SCFD2: variants seen among roughly 807,000 people sequenced by gnomAD.
SCFD2 encodes sec1 family domain containing 2.
SCFD2 carries 54 observed loss-of-function variants against 58.9 expected under a neutral mutation model. The ratio of observed to expected loss-of-function variants is 0.92; its 90% CI spans 0.74 to 1.15. SCFD2 has a LOEUF of 1.15. Among genes scored for constraint, SCFD2 ranks in the 50% most tolerant of loss-of-function variants. SCFD2 has a pLI of 0.00. For missense variants in SCFD2, 805 were observed against 836.6 expected, an observed-to-expected ratio of 0.96 and a Z score of 0.47; for synonymous variants, 321 against 335.9, an observed-to-expected ratio of 0.96 and a Z score of 0.49.
chr4:53,178,826 C>A (rs1305832003), intron 4 of SCFD2, among the ~76,000 whole-genome samples: 2 of 152,124 alleles, frequency 1.3e-5, no homozygotes, highest in African/African-American at 2.4e-5. Context: ...AGCTGAAAAC[C>A]AAGGCACGAG....
rs551806654 is a variant in SCFD2, at chr4:53,230,207, A to G, written c.1311+43619T>C. 2.0e-3 allele frequency among the ~76,000 whole-genome samples: 308 copies of G among 152,308 alleles called. 5 individuals are homozygous for G. The highest frequency in any genetic ancestry group is 7.1e-3 in the African/African-American group (296 of 41,564). On this transcript the variant is annotated intron_variant, in intron 4 of 8. Coordinates refer to ENST00000401642, the MANE Select transcript of SCFD2 (RefSeq NM_152540.4). Reference sequence around the variant, plus strand: ...AACTAGTTCAACCATTGTGGAAGTCAGTGTGGCGATTCCTCAGGGATCTAG... The same window carrying G: ...AACTAGTTCAACCATTGTGGAAGTCGGTGTGGCGATTCCTCAGGGATCTAG...
At chr4:53,315,552 TAC>T (rs1006206899) in intron 2 of SCFD2, among the ~76,000 whole-genome samples, 1 of 152,220 alleles carries the variant, frequency 6.6e-6, no homozygotes, top group Non-Finnish European at 1.5e-5. Flanking sequence ...CAGTTATGAA[TAC>T]AGTCTTTATC....
At chr4:53,189,181 A>C (rs1404336161) in intron 4 of SCFD2, among the ~76,000 whole-genome samples, 3 of 152,238 alleles carry the variant, frequency 2.0e-5, no homozygotes, top group East Asian at 1.9e-4. Flanking sequence ...GCTGTTGGGC[A>C]CAGCTTTGCC....
chr4:53,099,062 C>T (rs1252485154), intron 5 of SCFD2, among the ~76,000 whole-genome samples: 2 of 152,124 alleles, frequency 1.3e-5, no homozygotes, highest in African/African-American at 2.4e-5. Flanking sequence ...ATCTCAAACA[C>T]CCAGAACAGT....
intron 5 of SCFD2, among the ~76,000 whole-genome samples, chr4:53,007,317 A>AGAGAGAGAGAGAGAGAGG (rs1721993097): frequency 1.5e-5 from 2 of 129,336 alleles, no homozygotes; most frequent in African/African-American, 5.7e-5. Flanking sequence ...AGAGAGAGAG[A>AGAGAGAGAGAGAGAGAGG]GAGAGAGAGA....
chr4:53,340,685 A>G (rs1481714002), intron 2 of SCFD2, among the ~76,000 whole-genome samples: 1 of 152,234 alleles, frequency 6.6e-6, no homozygotes, highest in Admixed American at 6.5e-5. Context: ...CTCACCCCCG[A>G]GTAGCCCAAC....
chr4:53,077,691 G>GC (rs1473401200), intron 5 of SCFD2, among the ~76,000 whole-genome samples: 2 of 152,020 alleles, frequency 1.3e-5, no homozygotes, highest in African/African-American at 4.8e-5. Context: ...ACCCGTCTTG[G>GC]CCCCCCAAAG....
intron 5 of SCFD2, among the ~76,000 whole-genome samples, chr4:53,066,141 T>C (rs1037926530): frequency 6.6e-6 from 1 of 152,122 alleles, no homozygotes; most frequent in African/African-American, 2.4e-5. Flanking sequence ...TAATTGTCTT[T>C]GAAGTTCTCT....
intron 5 of SCFD2, among the ~76,000 whole-genome samples, chr4:53,133,532 C>T (rs1725854970): frequency 1.3e-5 from 2 of 151,998 alleles, no homozygotes; most frequent in Non-Finnish European, 2.9e-5. Context: ...TAAGTGGTAG[C>T]CATGAAGAAC....
rs547868574 is a variant in SCFD2 at position 53,019,267 on chromosome 4, C to G, written c.1562-98397G>C. 5.3e-5 allele frequency among the ~76,000 whole-genome samples: 8 copies of G among 152,176 alleles called. No homozygotes were observed. The South Asian group carries it at 1.7e-3, about 32-fold the overall frequency. On this transcript the variant is annotated intron_variant, in intron 5 of 8. Coordinates refer to ENST00000401642, the MANE Select transcript of SCFD2 (RefSeq NM_152540.4). ...AAAAATAGTAAATCTTATAATACAA[C>G]ATTAAAAACAAACTTTTGAAAATGA...
chr4:53,345,889 T>C (rs866436954), intron 2 of SCFD2, among the ~76,000 whole-genome samples: 6 of 152,004 alleles, frequency 3.9e-5, no homozygotes, highest in African/African-American at 7.2e-5. Context: ...TAGGTGTGAA[T>C]TGAACAATGA....
rs552592550 is a variant in SCFD2 at position 53,095,783 on chromosome 4, C to A, written c.1561+49550G>T. Among the ~76,000 whole-genome samples the A allele has an allele frequency of 1.2e-4, 18 of 152,186 alleles. No individual in the cohort carries two copies. In the East Asian group the frequency reaches 3.5e-3, roughly 29 times the overall value. ...ATGTGCACAACGTGCAGATTTGTTA[C>A]ATATGTATACATGTGCCACGTTGGT... On this transcript the variant is annotated intron_variant, in intron 5 of 8. Coordinates refer to ENST00000401642, the MANE Select transcript of SCFD2 (RefSeq NM_152540.4).
At chr4:53,319,165 G>C (rs907721800) in intron 2 of SCFD2, among the ~76,000 whole-genome samples, 2 of 152,130 alleles carry the variant, frequency 1.3e-5, no homozygotes, top group Admixed American at 6.5e-5. Flanking sequence ...TCCCACAAAG[G>C]ACAGGATGGA....
At chr4:52,899,912 G>A (rs192419166) in intron 7 of SCFD2, among the ~76,000 whole-genome samples, 5 of 151,658 alleles carry the variant, frequency 3.3e-5, no homozygotes, top group Admixed American at 6.6e-5. Context: ...ATCTTCCATC[G>A]CTGATACCCT....
At chr4:53,092,796 C>T (rs1389042394) in intron 5 of SCFD2, among the ~76,000 whole-genome samples, 3 of 151,888 alleles carry the variant, frequency 2.0e-5, no homozygotes, top group Non-Finnish European at 4.4e-5. Context: ...TTAATGATTT[C>T]CATGAGGTAG....
chr4:53,162,888 AT>A (rs1349457795), intron 4 of SCFD2, among the ~76,000 whole-genome samples: 3 of 151,864 alleles, frequency 2.0e-5, no homozygotes, highest in Non-Finnish European at 4.4e-5. Flanking sequence ...AAATAAATAA[AT>A]AAAAATAAAA....
intron 5 of SCFD2, among the ~76,000 whole-genome samples, chr4:53,064,689 G>A (rs1723607773): frequency 6.6e-6 from 1 of 152,104 alleles, no homozygotes; most frequent in African/African-American, 2.4e-5. Flanking sequence ...GCAAATAAGT[G>A]TGACATTATT....
intron 4 of SCFD2, among the ~76,000 whole-genome samples, chr4:53,184,478 A>G (rs1241180785): frequency 6.6e-6 from 1 of 152,140 alleles, no homozygotes; most frequent in African/African-American, 2.4e-5. Flanking sequence ...CAGTAACTGG[A>G]ACCCTCATAC....
At chr4:53,029,740 C>A (rs908127167) in intron 5 of SCFD2, among the ~76,000 whole-genome samples, 1 of 152,146 alleles carries the variant, frequency 6.6e-6, no homozygotes, top group Non-Finnish European at 1.5e-5. Context: ...GAAAAATAAT[C>A]TTTTCAATAA....
Sources: allele counts gnomAD v4.1 joint callset (sites outside exome capture counted in the v4.1 genomes callset), GRCh38; gene constraint gnomAD v4.1.1; transcripts MANE v1.5; gene names NCBI Gene and HGNC (gene_info 2026-07-23, HGNC 2026-07-21).